Variants in ZPBP observed in about 807,000 individuals in gnomAD.
ZPBP encodes the protein zona pellucida binding protein, also known as zona pellucida-binding protein 1.
Under a neutral mutation model 44.8 loss-of-function variants are expected in ZPBP, and 26 were observed. The ratio of observed to expected loss-of-function variants is 0.58; its 90% CI spans 0.43 to 0.81. ZPBP has a LOEUF of 0.81. ZPBP is among the 30% of genes least tolerant of loss of function. ZPBP has a pLI of 0.00. For synonymous variants in ZPBP, 174 were observed against 153.2 expected, an observed-to-expected ratio of 1.14 and a Z score of -1.00; for missense variants, 409 against 434.0, an observed-to-expected ratio of 0.94 and a Z score of 0.51.
intron 3 of ZPBP, among the ~76,000 whole-genome samples, chr7:50,076,049 T>C (rs1014592178): frequency 2.6e-5 from 4 of 151,896 alleles, no homozygotes; most frequent in Admixed American, 6.6e-5. Context: ...AGAAAGATCA[T>C]TTATCATTAC....
intron 1 of ZPBP, among the ~76,000 whole-genome samples, chr7:50,091,141 G>A (rs905252102): frequency 1.3e-5 from 2 of 151,778 alleles, no homozygotes; most frequent in Non-Finnish European, 2.9e-5. Context: ...CATGTCCTTA[G>A]CCCACTTTTT....
At chr7:49,953,920 C>G (rs1362948116) in intron 7 of ZPBP, among the ~76,000 whole-genome samples, 1 of 152,046 alleles carries the variant, frequency 6.6e-6, no homozygotes, top group Non-Finnish European at 1.5e-5. Context: ...TCCCTGTCAA[C>G]ATTCCAACAG....
At chr7:49,844,418 GA>G in the ZPBP span, among the ~76,000 whole-genome samples, 1 of 152,234 alleles carries the variant, frequency 6.6e-6, no homozygotes, top group African/African-American at 2.4e-5. Context: ...GGCAGAGTTA[GA>G]TAACTATAGA....
chr7:50,058,252 G>T, intron 3 of ZPBP, 111 bp from the exon 4 acceptor site: 1 of 1,146,646 alleles, frequency 8.7e-7, no homozygotes, highest in Non-Finnish European at 1.3e-6. Flanking sequence ...TCAATGAAAG[G>T]AGTGGGGGGC....
chr7:49,942,244 G>T, intron 7 of ZPBP: 1 of 192,306 alleles, frequency 5.2e-6, no homozygotes, highest in South Asian at 1.0e-4. Context: ...CCTTTTAAAC[G>T]TTACTGCTAA....
chr7:49,934,911 T>A (rs1247595274), downstream of ZPBP, among the ~76,000 whole-genome samples: 2 of 152,176 alleles, frequency 1.3e-5, no homozygotes, highest in Non-Finnish European at 2.9e-5. Context: ...CTGGTATAAT[T>A]ATCAGATGAT....
chr7:49,851,813 G>A (rs1790189639), intron 2 of ZPBP, among the ~76,000 whole-genome samples: 1 of 151,564 alleles, frequency 6.6e-6, no homozygotes. Context: ...CCGAGCTTGC[G>A]CCATTGCACT....
At chr7:49,897,322 T>C (rs1291281586) in intron 2 of ZPBP, among the ~76,000 whole-genome samples, 4 of 152,228 alleles carry the variant, frequency 2.6e-5, no homozygotes, top group Non-Finnish European at 5.9e-5. Context: ...ATTATCCTGA[T>C]ACCAAAACCA....
chr7:49,957,165 A>G (rs1485995676), intron 7 of ZPBP, among the ~76,000 whole-genome samples: 2 of 152,186 alleles, frequency 1.3e-5, no homozygotes, highest in African/African-American at 2.4e-5. Flanking sequence ...CCCTCACCAG[A>G]TGTCAATACC....
At chr7:50,076,452 T>C (rs988062559) in intron 3 of ZPBP, among the ~76,000 whole-genome samples, 2 of 152,002 alleles carry the variant, frequency 1.3e-5, no homozygotes, top group Non-Finnish European at 2.9e-5. Flanking sequence ...GGCATCCAAA[T>C]TGGAAAGAAA....
intron 3 of ZPBP, among the ~76,000 whole-genome samples, chr7:50,059,100 C>A (rs1314786310): frequency 6.6e-6 from 1 of 152,108 alleles, no homozygotes; most frequent in Non-Finnish European, 1.5e-5. Flanking sequence ...TAGAAAAATT[C>A]TTAGGTATTA....
intron 2 of ZPBP, among the ~76,000 whole-genome samples, chr7:49,853,309 C>G (rs549175695): frequency 6.6e-6 from 1 of 152,244 alleles, no homozygotes; most frequent in South Asian, 2.1e-4. Flanking sequence ...GCCCCCAGCA[C>G]TTGCCCATGG....
At chr7:49,984,061 AG>A (rs1303179618) in intron 6 of ZPBP, among the ~76,000 whole-genome samples, 12 of 152,310 alleles carry the variant, frequency 7.9e-5, no homozygotes, top group African/African-American at 2.9e-4. Context: ...AAAATTAACA[AG>A]AGCCTTAGAC....
At chr7:49,927,241 A>G (rs548662539) in intron 1 of ZPBP, among the ~76,000 whole-genome samples, 1 of 152,346 alleles carries the variant, frequency 6.6e-6, no homozygotes, top group South Asian at 2.1e-4. Flanking sequence ...TCCAGCCAGT[A>G]CAGTAACTTA....
chr7:49,867,094 G>A (rs1790924583), intron 2 of ZPBP, among the ~76,000 whole-genome samples: 2 of 152,186 alleles, frequency 1.3e-5, no homozygotes, highest in African/African-American at 4.8e-5. Flanking sequence ...ATAGCCAAAT[G>A]TCTCCCTGGG....
At chr7:49,850,937 C>A (rs1790152855) in intron 2 of ZPBP, among the ~76,000 whole-genome samples, 1 of 152,226 alleles carries the variant, frequency 6.6e-6, no homozygotes, top group Non-Finnish European at 1.5e-5. Flanking sequence ...TCCATTAGCT[C>A]CCTGGGGCTG....
chr7:50,088,665 A>C (rs1459121506), intron 2 of ZPBP, among the ~76,000 whole-genome samples: 1 of 152,028 alleles, frequency 6.6e-6, no homozygotes, highest in African/African-American at 2.4e-5. Flanking sequence ...AAGAGTTACA[A>C]CATCATTAGT....
intron 1 of ZPBP, among the ~76,000 whole-genome samples, chr7:49,905,016 G>C (rs1253607460): frequency 6.6e-6 from 1 of 152,098 alleles, no homozygotes; most frequent in Non-Finnish European, 1.5e-5. Context: ...TTAGAGGTGT[G>C]AGCCATCGTG....
At chr7:49,982,900 C>T (rs1797093360) in intron 7 of ZPBP, among the ~76,000 whole-genome samples, 1 of 151,856 alleles carries the variant, frequency 6.6e-6, no homozygotes, top group African/African-American at 2.4e-5. Context: ...TCCTGTAGTG[C>T]TAGGACCAAA....
Sources: allele counts gnomAD v4.1 joint callset (sites outside exome capture counted in the v4.1 genomes callset), GRCh38; gene constraint gnomAD v4.1.1; transcripts MANE v1.5; gene names NCBI Gene and HGNC (gene_info 2026-07-23, HGNC 2026-07-21).